LYPD6B: variants seen among roughly 807,000 people sequenced by gnomAD.
LYPD6B encodes the protein LY6/PLAUR domain containing 6B, also known as ly6/PLAUR domain-containing protein 6B.
In LYPD6B, 17 loss-of-function variants were observed where a neutral mutation model predicts 22.8. The observed-to-expected ratio is 0.75, with a 90% CI of 0.51 to 1.12. The LOEUF is 1.12. Ranked by LOEUF, LYPD6B falls within the 50% of genes most tolerant of loss-of-function variation. The pLI, the probability that LYPD6B is intolerant of heterozygous loss-of-function variation, is 0.00. For missense variants in LYPD6B, 221 were observed against 258.3 expected (o/e 0.86, Z 0.99); for synonymous variants, 106 against 91.6 (o/e 1.16, Z -0.90).
At chr2:149,054,946 T>C (rs140432688) in intron 1 of LYPD6B, among the ~76,000 whole-genome samples, 108 of 152,300 alleles carry the variant, frequency 7.1e-4, no homozygotes, top group African/African-American at 1.8e-3. Context: ...TTTTCGCTTG[T>C]GCTTTTGGCA....
At chr2:149,212,402 A>AAAAAAAAAAAAC (rs1693926098) in intron 5 of LYPD6B, among the ~76,000 whole-genome samples, 1 of 150,464 alleles carries the variant, frequency 6.6e-6, no homozygotes, top group Non-Finnish European at 1.5e-5. Flanking sequence ...AAAAAAAAAA[A>AAAAAAAAAAAAC]AAGAAATTAT....
At chr2:149,096,707 G>A (rs1685917394) in intron 1 of LYPD6B, among the ~76,000 whole-genome samples, 2 of 152,030 alleles carry the variant, frequency 1.3e-5, no homozygotes, top group South Asian at 4.1e-4. Flanking sequence ...TCTCTTCTTA[G>A]TTGTCTTTTT....
Position 149,072,857 on chromosome 2 carries a change from G to A in LYPD6B, c.-67+34056G>A, listed in dbSNP as rs572263453. Reference sequence around the variant, plus strand: ...TGGCCTGGATTTGCAATTTTAAATAGGGTGGTCAGGAAAGCCTGAGACATT... The same window carrying A: ...TGGCCTGGATTTGCAATTTTAAATAAGGTGGTCAGGAAAGCCTGAGACATT... On this transcript the variant is annotated intron_variant, in intron 1 of 6. Coordinates refer to ENST00000409642, the MANE Select transcript of LYPD6B (RefSeq NM_177964.5). Among the ~76,000 whole-genome samples the A allele has an allele frequency of 1.1e-4, 17 of 152,218 alleles. No homozygotes were observed. The East Asian group carries it at 3.3e-3, about 29-fold the overall frequency.
At chr2:149,202,588 T>C (rs527995461) in intron 3 of LYPD6B, among the ~76,000 whole-genome samples, 1 of 152,356 alleles carries the variant, frequency 6.6e-6, no homozygotes, top group East Asian at 1.9e-4. Flanking sequence ...CTTATGACTA[T>C]CTGAAATTAT....
At chr2:149,129,785 G>A (rs141126631) in intron 1 of LYPD6B, among the ~76,000 whole-genome samples, 45 of 152,340 alleles carry the variant, frequency 3.0e-4, no homozygotes, top group African/African-American at 1.0e-3. Context: ...AGAGCAGAGA[G>A]CCTGTGTAAC....
chr2:149,120,381 A>ATTTTTTTTT (rs1256956846), intron 1 of LYPD6B, among the ~76,000 whole-genome samples: 14 of 43,488 alleles, frequency 3.2e-4, no homozygotes, highest in East Asian at 1.6e-3. Flanking sequence ...ATATATATAT[A>ATTTTTTTTT]TATTTTTTTT....
intron 3 of LYPD6B, among the ~76,000 whole-genome samples, chr2:149,180,404 C>A (rs1251815309): frequency 5.9e-5 from 9 of 152,172 alleles, no homozygotes; most frequent in African/African-American, 2.2e-4. Flanking sequence ...TGCAGCACTT[C>A]TTTGTCTTCC....
At chr2:149,100,196 GT>G (rs1686124914) in intron 1 of LYPD6B, among the ~76,000 whole-genome samples, 1 of 151,992 alleles carries the variant, frequency 6.6e-6, no homozygotes, top group East Asian at 1.9e-4. Context: ...ATAGCCCCTT[GT>G]CTTTTGGTCC....
intron 2 of LYPD6B, among the ~76,000 whole-genome samples, chr2:149,135,719 C>CAAAAAAAAA (rs386391471): frequency 3.1e-5 from 1 of 32,250 alleles, no homozygotes. Context: ...GACCATGTCT[C>CAAAAAAAAA]AAAAAAAAAA....
chr2:149,089,312 C>T (rs1175201431), intron 1 of LYPD6B, among the ~76,000 whole-genome samples: 4 of 152,122 alleles, frequency 2.6e-5, no homozygotes, highest in South Asian at 4.2e-4. Context: ...TAGAAGGGGC[C>T]AGTTGGCATG....
intron 1 of LYPD6B, among the ~76,000 whole-genome samples, chr2:149,049,356 TGCAC>T (rs1000127891): frequency 3.3e-5 from 5 of 152,192 alleles, no homozygotes; most frequent in African/African-American, 1.2e-4. Context: ...TGCATGCACA[TGCAC>T]ACACACACAC....
At chr2:149,193,162 C>T (rs1222260057) in intron 3 of LYPD6B, among the ~76,000 whole-genome samples, 1 of 152,080 alleles carries the variant, frequency 6.6e-6, no homozygotes, top group Non-Finnish European at 1.5e-5. Flanking sequence ...TCCAGATGGT[C>T]ACCTCACCAA....
chr2:149,180,792 C>G (rs1329143124), intron 3 of LYPD6B, among the ~76,000 whole-genome samples: 2 of 152,162 alleles, frequency 1.3e-5, no homozygotes, highest in Non-Finnish European at 2.9e-5. Context: ...AAAAAGGACC[C>G]GGAAAGAATC....
intron 2 of LYPD6B, among the ~76,000 whole-genome samples, chr2:149,150,687 CTCAGCCCTT>C (rs1220527008): frequency 6.6e-6 from 1 of 152,080 alleles, no homozygotes; most frequent in Non-Finnish European, 1.5e-5. Context: ...TGGGCCTTCT[CTCAGCCCTT>C]TCAAACTGGA....
intron 1 of LYPD6B, among the ~76,000 whole-genome samples, chr2:149,051,457 G>A (rs1036761785): frequency 5.9e-5 from 9 of 152,002 alleles, no homozygotes; most frequent in East Asian, 1.9e-4. Context: ...GAGCCACCGC[G>A]CCCGGCCAAC....
At chr2:149,065,261 C>G (rs1191236549) in intron 1 of LYPD6B, among the ~76,000 whole-genome samples, 2 of 152,118 alleles carry the variant, frequency 1.3e-5, no homozygotes, top group African/African-American at 4.8e-5. Context: ...AAAAGACTTG[C>G]TAAGTGTATG....
intron 1 of LYPD6B, chr2:149,068,635 T>C (rs1261781879): frequency 5.9e-6 from 3 of 510,778 alleles, no homozygotes; most frequent in Non-Finnish European, 1.2e-5. Context: ...TCCTTATTAT[T>C]ATAGCTCCAG....
chr2:149,040,622 G>A (rs928724581), intron 1 of LYPD6B, among the ~76,000 whole-genome samples: 1 of 152,130 alleles, frequency 6.6e-6, no homozygotes, highest in African/African-American at 2.4e-5. Context: ...GCACATGACC[G>A]ACTGTGATTG....
At chr2:149,049,217 T>G (rs142425168) in intron 1 of LYPD6B, among the ~76,000 whole-genome samples, 1 of 152,208 alleles carries the variant, frequency 6.6e-6, no homozygotes, top group African/African-American at 2.4e-5. Context: ...TTAAGAGTTC[T>G]TCTCATTTCA....
Sources: gnomAD v4.1 joint callset for allele counts (sites outside exome capture counted in the v4.1 genomes callset) on GRCh38, gnomAD v4.1.1 for gene constraint, MANE v1.5 for transcripts, NCBI Gene and HGNC (gene_info 2026-07-23, HGNC 2026-07-21) for gene names.